Variants in CLSTN2 observed in about 807,000 individuals in gnomAD.
CLSTN2 encodes calsyntenin 2.
In CLSTN2, 48 loss-of-function variants were observed where a neutral mutation model predicts 101.2. That is an observed-to-expected ratio of 0.47 (90% confidence interval 0.38 to 0.60). CLSTN2 has a LOEUF of 0.60. CLSTN2 is among the 20% of genes least tolerant of loss of function. CLSTN2 has a pLI of 0.00. For missense variants in CLSTN2, 1,160 were observed against 1,238.2 expected (o/e 0.94, Z 0.95); for synonymous variants, 481 against 463.6 (o/e 1.04, Z -0.48).
chr3:140,404,582 G>A lies in CLSTN2; in HGVS notation c.453G>A (p.Lys151=), dbSNP rs1306684175. 6.2e-7 allele frequency: 1 copy of A among 1,614,086 alleles called. No individual in the cohort carries two copies. The highest frequency in any genetic ancestry group is 8.5e-7 in the Non-Finnish European group (1 of 1,180,040). Residue 151 remains lysine, a synonymous_variant, in exon 4 of 17, where the codon AAG becomes AAA. Coordinates refer to ENST00000458420, the MANE Select transcript of CLSTN2 (RefSeq NM_022131.3). ...SHKAVVHIQV[K]DVNEFAPTFK... ...GGGCCGTGGTCCATATACAGGTGAAGGATGTCAACGAGTTTGCTCCCACCT... is the reference window on the plus strand; with the variant it reads ...GGGCCGTGGTCCATATACAGGTGAAAGATGTCAACGAGTTTGCTCCCACCT...
In CLSTN2 at chr3:140,556,671, C is replaced by A. The variant is rs367655342; in HGVS notation, c.1823+10C>A. The stretch of plus-strand genomic sequence containing the variant: ...TATCCTCCAAAGTCCAGTGAGTGGA[C>A]GCTGGTCAGCCTGGGGCCAACTGAG... On this transcript the variant is annotated intron_variant, in intron 11 of 16. Coordinates refer to ENST00000458420, the MANE Select transcript of CLSTN2 (RefSeq NM_022131.3). 1.2e-6 allele frequency: 2 copies of A among 1,613,236 alleles called. No homozygotes were observed. The highest frequency in any genetic ancestry group is 1.7e-5 in the Admixed American group (1 of 59,980).
chr3:140,355,145 G>A (rs2087655656), intron 2 of CLSTN2, among the ~76,000 whole-genome samples: 1 of 152,124 alleles, frequency 6.6e-6, no homozygotes, highest in Admixed American at 6.5e-5. Context: ...CAAAGAAAGT[G>A]GCATTGGTTT....
chr3:140,061,640 C>A (rs2008206362), intron 1 of CLSTN2, among the ~76,000 whole-genome samples: 1 of 152,212 alleles, frequency 6.6e-6, no homozygotes, highest in Admixed American at 6.5e-5. Flanking sequence ...ATAACTCCTG[C>A]CGGGCTCTAA....
At chr3:140,206,546 A>T (rs973050892) in intron 2 of CLSTN2, among the ~76,000 whole-genome samples, 1 of 152,198 alleles carries the variant, frequency 6.6e-6, no homozygotes, top group Non-Finnish European at 1.5e-5. Flanking sequence ...AGGACACCTG[A>T]CACGTGAAAA....
intron 2 of CLSTN2, among the ~76,000 whole-genome samples, chr3:140,370,665 G>A (rs557105033): frequency 8.1e-4 from 124 of 152,244 alleles, no homozygotes; most frequent in African/African-American, 2.8e-3. Context: ...AGGCAGTCTG[G>A]ATTAGAGCTT....
chr3:139,972,397 T>C (rs932404260), intron 1 of CLSTN2, among the ~76,000 whole-genome samples: 1 of 151,986 alleles, frequency 6.6e-6, no homozygotes, highest in Non-Finnish European at 1.5e-5. Context: ...AGAGGCTGAG[T>C]GAAGGAAATA....
chr3:140,193,825 A>AGT (rs1222989954), intron 2 of CLSTN2, among the ~76,000 whole-genome samples: 1 of 151,782 alleles, frequency 6.6e-6, no homozygotes, highest in Admixed American at 6.6e-5. Context: ...GTATTTTGTA[A>AGT]GTCTGTTTTC....
At chr3:140,232,837 G>A (rs72990108) in intron 2 of CLSTN2, among the ~76,000 whole-genome samples, 5,925 of 151,938 alleles carry the variant, frequency 0.039, 357 homozygotes, top group African/African-American at 0.13. Context: ...ATAATTCTTT[G>A]TTATACTACC....
chr3:140,177,321 A>C (rs987031526), intron 2 of CLSTN2, among the ~76,000 whole-genome samples: 1 of 152,206 alleles, frequency 6.6e-6, no homozygotes, highest in African/African-American at 2.4e-5. Flanking sequence ...CAAAAGATGA[A>C]GTATCTTCCC....
chr3:139,953,307 G>A (rs1219805676), intron 1 of CLSTN2, among the ~76,000 whole-genome samples: 1 of 152,168 alleles, frequency 6.6e-6, no homozygotes, highest in Non-Finnish European at 1.5e-5. Context: ...TGGGTACTCT[G>A]TTTATTACCT....
At chr3:140,224,180 A>G (rs892214466) in intron 2 of CLSTN2, among the ~76,000 whole-genome samples, 68 of 152,308 alleles carry the variant, frequency 4.5e-4, no homozygotes, top group African/African-American at 1.5e-3. Flanking sequence ...AGTCATATCC[A>G]TCTAGATTCA....
chr3:140,542,179 G>A (rs1380639683), intron 9 of CLSTN2, among the ~76,000 whole-genome samples: 1 of 152,048 alleles, frequency 6.6e-6, no homozygotes, highest in East Asian at 1.9e-4. Flanking sequence ...TCAATTGTTT[G>A]GAAATGAATC....
intron 5 of CLSTN2, among the ~76,000 whole-genome samples, chr3:140,442,362 A>T (rs1487521111): frequency 2.0e-5 from 3 of 152,076 alleles, no homozygotes; most frequent in African/African-American, 7.2e-5. Flanking sequence ...CAAACTAGCG[A>T]ATCTTAAAAT....
chr3:140,449,958 G>A, intron 6 of CLSTN2: 1 of 152,342 alleles, frequency 6.6e-6, no homozygotes, highest in Non-Finnish European at 1.5e-5. Context: ...GGGACAGAGA[G>A]GGCTTGTTGT....
At chr3:140,135,929 A>C (rs576920728) in intron 1 of CLSTN2, among the ~76,000 whole-genome samples, 1 of 152,250 alleles carries the variant, frequency 6.6e-6, no homozygotes, top group East Asian at 1.9e-4. Context: ...TGCTTAGGAG[A>C]TTTAGATCTC....
intron 1 of CLSTN2, among the ~76,000 whole-genome samples, chr3:140,059,465 G>T (rs569652646): frequency 8.9e-4 from 135 of 151,270 alleles, no homozygotes; most frequent in African/African-American, 3.3e-3. Context: ...GGAGCTAAAA[G>T]TGCTGATGAG....
intron 1 of CLSTN2, among the ~76,000 whole-genome samples, chr3:140,024,835 A>G (rs552813281): frequency 1.3e-5 from 2 of 152,334 alleles, no homozygotes; most frequent in Admixed American, 6.5e-5. Flanking sequence ...TTGAGACTCA[A>G]ATTACTGCAG....
intron 2 of CLSTN2, among the ~76,000 whole-genome samples, chr3:140,380,938 G>A (rs2087975392): frequency 6.6e-6 from 1 of 152,184 alleles, no homozygotes; most frequent in Non-Finnish European, 1.5e-5. Flanking sequence ...TTTACCCTGG[G>A]TTTGGAGTCT....
At chr3:140,332,221 C>A (rs937997815) in intron 2 of CLSTN2, among the ~76,000 whole-genome samples, 2 of 152,102 alleles carry the variant, frequency 1.3e-5, no homozygotes, top group Non-Finnish European at 2.9e-5. Flanking sequence ...GGAGGACAAA[C>A]CAAGAGAGAA....
Sources: gnomAD v4.1 joint callset for allele counts (sites outside exome capture counted in the v4.1 genomes callset) on GRCh38, gnomAD v4.1.1 for gene constraint, MANE v1.5 for transcripts, NCBI Gene and HGNC (gene_info 2026-07-23, HGNC 2026-07-21) for gene names.